DOCK9: variants seen among roughly 807,000 people sequenced by gnomAD.
DOCK9 encodes the protein dedicator of cytokinesis protein 9.
DOCK9 carries 89 observed loss-of-function variants against 263.3 expected under a neutral mutation model. That is an observed-to-expected ratio of 0.34 (90% CI 0.28 to 0.40). The LOEUF is 0.40. Ranked by LOEUF, DOCK9 falls within the 10% of genes least tolerant of loss-of-function variation. The pLI is 1.00. For synonymous variants in DOCK9, 976 were observed against 973.1 expected (o/e 1.00, Z -0.06); for missense variants, 2,140 against 2,603.4 (o/e 0.82, Z 3.87).
intron 15 of DOCK9, among the ~76,000 whole-genome samples, chr13:98,890,476 G>C (rs2046451221): frequency 6.6e-6 from 1 of 152,192 alleles, no homozygotes; most frequent in African/African-American, 2.4e-5. Flanking sequence ...GTTACAAAGA[G>C]AGAAGAAATG....
intron 33 of DOCK9, chr13:98,859,694 G>A (rs920497859): frequency 6.6e-6 from 1 of 151,546 alleles, no homozygotes; most frequent in African/African-American, 2.4e-5. Flanking sequence ...AGAAGGCTGT[G>A]AGCACCTGTG....
intron 1 of DOCK9, among the ~76,000 whole-genome samples, chr13:99,073,399 TC>T (rs1419022270): frequency 6.6e-6 from 1 of 151,682 alleles, no homozygotes; most frequent in Non-Finnish European, 1.5e-5. Flanking sequence ...TCTCTCTCTC[TC>T]TTTCATGCTT....
chr13:98,971,928 T>C (rs2059775529), intron 1 of DOCK9, among the ~76,000 whole-genome samples: 1 of 152,260 alleles, frequency 6.6e-6, no homozygotes, highest in Non-Finnish European at 1.5e-5. Flanking sequence ...ACTTATAAAC[T>C]GGCCTTTCTC....
At chr13:98,932,051 T>C (rs9517490) in intron 2 of DOCK9, among the ~76,000 whole-genome samples, 96,343 of 151,950 alleles carry the variant, frequency 0.63, 31,238 homozygotes, top group Middle Eastern at 0.77. Context: ...CAGAAAGAAA[T>C]ATTCTAGTTT....
At chr13:98,875,880 A>G (rs2043748544) in intron 27 of DOCK9, among the ~76,000 whole-genome samples, 1 of 152,170 alleles carries the variant, frequency 6.6e-6, no homozygotes, top group Non-Finnish European at 1.5e-5. Flanking sequence ...TCCTCAGTAA[A>G]TGTAACAATG....
chr13:98,872,895 T>C (rs145469141), intron 27 of DOCK9, among the ~76,000 whole-genome samples: 5 of 152,306 alleles, frequency 3.3e-5, no homozygotes, highest in African/African-American at 1.2e-4. Flanking sequence ...CAGCTGCATT[T>C]GTACCAAGGC....
chr13:98,935,524 T>G (rs936251608), intron 2 of DOCK9, among the ~76,000 whole-genome samples: 1 of 152,190 alleles, frequency 6.6e-6, no homozygotes, highest in African/African-American at 2.4e-5. Flanking sequence ...TCCCAGCACT[T>G]TGAGGGGGCC....
chr13:98,897,036 C>A (rs1042337648), intron 15 of DOCK9, among the ~76,000 whole-genome samples: 6 of 152,222 alleles, frequency 3.9e-5, no homozygotes, highest in African/African-American at 1.2e-4. Context: ...AGCTAAGCAA[C>A]AACTGGTGCC....
At chr13:99,044,786 G>C (rs1481199010) in intron 1 of DOCK9, among the ~76,000 whole-genome samples, 1 of 152,200 alleles carries the variant, frequency 6.6e-6, no homozygotes. Context: ...AAAGCCGTAA[G>C]TAAAAGAAAA....
intron 1 of DOCK9, among the ~76,000 whole-genome samples, chr13:99,079,160 A>G (rs2042025919): frequency 6.6e-6 from 1 of 152,248 alleles, no homozygotes; most frequent in South Asian, 2.1e-4. Context: ...GTAGCCCTCC[A>G]AGCAAAAAGT....
chr13:98,815,052 A>G (rs937187686), intron 45 of DOCK9, among the ~76,000 whole-genome samples: 2 of 152,152 alleles, frequency 1.3e-5, no homozygotes, highest in East Asian at 3.8e-4. Flanking sequence ...TCTCATACAC[A>G]CTGGGTAGTC....
intron 39 of DOCK9, 183 bp from the exon 40 acceptor site, chr13:98,831,969 C>T (rs2092782316): frequency 1.4e-6 from 1 of 707,930 alleles, no homozygotes; most frequent in Non-Finnish European, 2.2e-6. Flanking sequence ...TCTATCAATA[C>T]ATTTATGTTT....
At chr13:99,073,743 G>A (rs2041793110) in intron 1 of DOCK9, among the ~76,000 whole-genome samples, 1 of 152,276 alleles carries the variant, frequency 6.6e-6, no homozygotes, top group African/African-American at 2.4e-5. Flanking sequence ...TGTCCTTTGT[G>A]GCATTTTTTC....
In DOCK9 at chr13:98,846,116, G is replaced by A. The variant is rs560531693; in HGVS notation, c.4062-56C>T. ...AAAGTTAGACGTGTTACACTGCAGC[G>A]AGACGGGGAGTGTTAGTGAAGCCAG... On this transcript the variant is annotated intron_variant, in intron 37 of 52. Transcript: ENST00000682017. 188 of 1,536,006 alleles carry A rather than the reference G, an allele frequency of 1.2e-4. 1 individual carries two copies. In the African/African-American group the frequency reaches 1.5e-3, roughly 13 times the overall value.
intron 48 of DOCK9, among the ~76,000 whole-genome samples, chr13:98,807,098 C>T (rs1745100772): frequency 6.6e-6 from 1 of 152,138 alleles, no homozygotes; most frequent in Admixed American, 6.5e-5. Context: ...TGGAGATGTC[C>T]TGAGGAGGGT....
intron 1 of DOCK9, among the ~76,000 whole-genome samples, chr13:99,068,086 G>C (rs1200383033): frequency 6.6e-6 from 1 of 152,042 alleles, no homozygotes; most frequent in Non-Finnish European, 1.5e-5. Context: ...CTCTAGACCA[G>C]GATATGGAAT....
At chr13:99,052,200 C>A (rs888632726) in intron 1 of DOCK9, among the ~76,000 whole-genome samples, 1 of 152,206 alleles carries the variant, frequency 6.6e-6, no homozygotes, top group African/African-American at 2.4e-5. Context: ...GAAGGCCCTG[C>A]AAGGGGCAGT....
intron 1 of DOCK9, among the ~76,000 whole-genome samples, chr13:99,083,613 T>C (rs2142501658): frequency 8.9e-6 from 1 of 111,866 alleles, no homozygotes; most frequent in South Asian, 2.8e-4. Flanking sequence ...ATTATACTAT[T>C]CTCTCTACTT....
intron 1 of DOCK9, among the ~76,000 whole-genome samples, chr13:99,076,733 A>G (rs9517587): frequency 0.53 from 79,873 of 151,928 alleles, 21,261 homozygotes; most frequent in South Asian, 0.68. Flanking sequence ...CAGATGTAGC[A>G]TCTTCAGGGT....
Sources: allele counts gnomAD v4.1 joint callset (sites outside exome capture counted in the v4.1 genomes callset), GRCh38; gene constraint gnomAD v4.1.1; transcripts MANE v1.5; gene names NCBI Gene and HGNC (gene_info 2026-07-23, HGNC 2026-07-21).